BICRAL: variants seen among roughly 807,000 people sequenced by gnomAD.
The protein encoded by BICRAL is BRD4-interacting chromatin-remodeling complex-associated protein-like.
Under a neutral mutation model 91.8 loss-of-function variants are expected in BICRAL, and 8 were observed. The observed-to-expected ratio is 0.09, with a 90% CI of 0.05 to 0.16. The LOEUF (loss-of-function observed/expected upper bound fraction) is 0.16, where lower values mean the gene tolerates loss of function less well. Ranked by LOEUF, BICRAL falls within the 10% of genes least tolerant of loss-of-function variation. The probability of loss-of-function intolerance (pLI) is 1.00; values close to 1 mark genes in which losing one functional copy is unlikely to be tolerated. For synonymous variants in BICRAL, 445 were observed against 491.1 expected, an observed-to-expected ratio of 0.91 and a Z score of 1.24; for missense variants, 1,038 against 1,310.9, an observed-to-expected ratio of 0.79 and a Z score of 3.21.
At chr6:42,780,093 G>A (rs1357977445), upstream of BICRAL, among the ~76,000 whole-genome samples, 1 of 151,630 alleles carries the variant, frequency 6.6e-6, no homozygotes, top group Admixed American at 6.6e-5. Flanking sequence ...TTTAGAGATG[G>A]GATCTCGCAC....
intron 10 of BICRAL, among the ~76,000 whole-genome samples, chr6:42,859,147 T>A (rs1428259826): frequency 6.6e-6 from 1 of 151,828 alleles, no homozygotes; most frequent in East Asian, 1.9e-4. Context: ...GCCCAGCATT[T>A]TGGAAGGCCG....
rs751366298 is a variant in BICRAL, at chr6:42,857,092, A to G, written c.2110A>G (p.Ile704Val). 1.2e-6 allele frequency: 2 copies of G among 1,609,944 alleles called. No homozygotes were observed. Among genetic ancestry groups the G allele is most frequent in the Middle Eastern group, 3.3e-4 (2 of 6,044 alleles). The change falls in exon 10 of 13, where the codon ATT (isoleucine) becomes GTT (valine). Residue 704 changes from isoleucine (I) to valine (V), a missense_variant and splice_region_variant. By Grantham distance (29) the Ile-to-Val change is conservative (BLOSUM62 3). Around this residue, in one of 5 missense-constraint regions of BICRAL, gnomAD observed 532 missense variants for 724.9 expected, o/e 0.73. Coordinates refer to ENST00000314073, the MANE Select transcript of BICRAL (RefSeq NM_001393499.1). ...AAKQLTKGAF[I>V]LQQLQRDQAH... Reference sequence around the variant, plus strand: ...ACATTGACCATTTCCCTTGTAAAGCATTCTCCAGCAGTTGCAGAGGGACCA... The same window carrying G: ...ACATTGACCATTTCCCTTGTAAAGCGTTCTCCAGCAGTTGCAGAGGGACCA...
intron 1 of BICRAL, among the ~76,000 whole-genome samples, chr6:42,791,886 T>C (rs1265767542): frequency 6.6e-6 from 1 of 152,204 alleles, no homozygotes; most frequent in Non-Finnish European, 1.5e-5. Context: ...CGCAAACCAA[T>C]ATGGTATAAC....
At chr6:42,774,324 T>C (rs1706752511) in intron 1 of BICRAL, among the ~76,000 whole-genome samples, 3 of 151,916 alleles carry the variant, frequency 2.0e-5, no homozygotes, top group Admixed American at 2.0e-4. Context: ...TATCCAGGGG[T>C]TGGTCTAGGG....
At chr6:42,860,158 A>G (rs1214762654) in intron 10 of BICRAL, 104 bp from the exon 11 acceptor site, 8 of 698,216 alleles carry the variant, frequency 1.1e-5, no homozygotes, top group Admixed American at 6.9e-5. Flanking sequence ...CAGATAAGCC[A>G]TGTTTGAATA....
chr6:42,849,035 A>G (rs572393231), intron 6 of BICRAL, among the ~76,000 whole-genome samples: 52 of 152,132 alleles, frequency 3.4e-4, no homozygotes, highest in Non-Finnish European at 6.0e-4. Flanking sequence ...TCTTCCTAAT[A>G]ATTCATTGCC....
upstream of BICRAL, among the ~76,000 whole-genome samples, chr6:42,780,415 C>T (rs539147230): frequency 6.6e-6 from 1 of 152,106 alleles, no homozygotes; most frequent in Non-Finnish European, 1.5e-5. Flanking sequence ...TGAGAACTCA[C>T]CAAATATCTG....
At chr6:42,835,192 G>A (rs1029660748) in intron 6 of BICRAL, among the ~76,000 whole-genome samples, 5 of 151,374 alleles carry the variant, frequency 3.3e-5, no homozygotes, top group Non-Finnish European at 2.9e-5. Context: ...GCAATGGCAC[G>A]ATATCTGCTC....
chr6:42,861,668 G>GTCTGTATTTACTTAAATATA (rs1765560512), intron 11 of BICRAL, among the ~76,000 whole-genome samples: 3 of 152,120 alleles, frequency 2.0e-5, no homozygotes, highest in Admixed American at 2.0e-4. Context: ...GTATCCGTGT[G>GTCTGTATTTACTTAAATATA]TCTGTATTTA....
chr6:42,769,860 A>G (rs1762693364), intron 1 of BICRAL, among the ~76,000 whole-genome samples: 1 of 152,248 alleles, frequency 6.6e-6, no homozygotes, highest in Admixed American at 6.5e-5. Context: ...AGACACATTT[A>G]TAACTGAAAC....
intron 8 of BICRAL, among the ~76,000 whole-genome samples, chr6:42,854,703 A>G (rs1008727932): frequency 4.1e-4 from 61 of 150,598 alleles, no homozygotes; most frequent in African/African-American, 1.4e-3. Context: ...TATTTTTTTT[A>G]AGAGAAAACG....
chr6:42,822,372 C>T (rs941623541), intron 3 of BICRAL, among the ~76,000 whole-genome samples: 3 of 151,076 alleles, frequency 2.0e-5, no homozygotes, highest in Non-Finnish European at 3.0e-5. Context: ...TCCCAAGTAG[C>T]GGGGACTACA....
At chr6:42,804,688 G>C (rs764694654) in intron 1 of BICRAL, among the ~76,000 whole-genome samples, 13 of 152,132 alleles carry the variant, frequency 8.5e-5, no homozygotes, top group Non-Finnish European at 1.6e-4. Flanking sequence ...GGGACAAGTG[G>C]GGTGGGTAGA....
In BICRAL at chr6:42,789,380, C is replaced by T. The variant is rs970581187; in HGVS notation, c.-102+7279C>T. Among the ~76,000 whole-genome samples the T allele has an allele frequency of 2.6e-5, 4 of 152,252 alleles. No individual in the cohort carries two copies. The East Asian group carries it at 7.7e-4, about 29-fold the overall frequency. ...AATTAGGCTGGGCCCATGGCTCACA[C>T]CTACAATCCCAGCACTTTGGGAGGC... On this transcript the variant is annotated intron_variant, in intron 1 of 12. Coordinates refer to ENST00000314073, the MANE Select transcript of BICRAL (RefSeq NM_001393499.1).
At chr6:42,762,901 T>C (rs985222790) in intron 1 of BICRAL, among the ~76,000 whole-genome samples, 1 of 151,816 alleles carries the variant, frequency 6.6e-6, no homozygotes, top group African/African-American at 2.4e-5. Flanking sequence ...GCACTCCAGC[T>C]TGGGTAACAG....
chr6:42,810,115 T>C (rs1763813242), intron 1 of BICRAL, among the ~76,000 whole-genome samples, 191 bp from the exon 2 acceptor site: 1 of 152,148 alleles, frequency 6.6e-6, no homozygotes, highest in Non-Finnish European at 1.5e-5. Context: ...GTCTTTCTTG[T>C]AATAATTTGC....
At position 42,867,990 on chromosome 6, in the gene BICRAL, T is replaced by G. The variant is rs1485551184; in HGVS notation, c.*2544T>G. ...AAGGGTAGGAGAGCTCAGCCTCGGA[T>G]GGCCAACATTCAGTTGTTCAGGTTC... On this transcript the variant is annotated 3_prime_UTR_variant, in exon 13 of 13. Transcript: ENST00000314073. 6.6e-6 allele frequency: 1 copy of G among 152,556 alleles called. No individual in the cohort carries two copies. The highest frequency in any genetic ancestry group is 1.5e-5 in the Non-Finnish European group (1 of 68,034). The allele number at this position is 152,556 out of a possible 1,614,324, so 9.5% of individuals were successfully genotyped here. A position where few individuals can be genotyped will look rare whatever the true frequency, so the allele number is the denominator to read the frequency against.
chr6:42,798,402 A>G (rs1763475081), intron 1 of BICRAL, among the ~76,000 whole-genome samples: 1 of 151,362 alleles, frequency 6.6e-6, no homozygotes, highest in Admixed American at 6.6e-5. Context: ...TTTTAATTAG[A>G]AAAAAAAAGG....
At chr6:42,847,622 TTA>T (rs1009633363) in intron 6 of BICRAL, among the ~76,000 whole-genome samples, 5 of 144,886 alleles carry the variant, frequency 3.5e-5, no homozygotes, top group African/African-American at 1.3e-4. Context: ...TACAAAAAAA[TTA>T]AAAAATTAGC....
Sources: gnomAD v4.1 joint callset for allele counts (sites outside exome capture counted in the v4.1 genomes callset) on GRCh38, gnomAD v4.1.1 for gene constraint, gnomAD v4.1.1 regional missense constraint, MANE v1.5 for transcripts, NCBI Gene and HGNC (gene_info 2026-07-23, HGNC 2026-07-21) for gene names.